The following TOP1 variants were observed in gnomAD, a reference collection of about 807,000 sequenced individuals.
TOP1 encodes the protein DNA topoisomerase I, also known as DNA topoisomerase 1.
Under a neutral mutation model 111.1 loss-of-function variants are expected in TOP1, and 10 were observed. The observed-to-expected ratio is 0.09, with a 90% CI of 0.06 to 0.15. The LOEUF is 0.15. Ranked by LOEUF, TOP1 falls within the 10% of genes least tolerant of loss-of-function variation. TOP1 has a pLI of 1.00. For synonymous variants in TOP1, 271 were observed against 302.9 expected, an observed-to-expected ratio of 0.89 and a Z score of 1.10; for missense variants, 474 against 926.7, an observed-to-expected ratio of 0.51 and a Z score of 6.34.
In TOP1 at chr20:41,102,128, C is replaced by T. The variant is rs1361815179; in HGVS notation, c.1308+775C>T. On this transcript the variant is annotated intron_variant, in intron 13 of 20. Coordinates refer to ENST00000361337, the MANE Select transcript of TOP1 (RefSeq NM_003286.4). This position sits in a 1 kb window ranked among gnomAD's most constrained non-coding sequence, Gnocchi z 4.0. ...TGTTTTATGTGCAGGAGACCTGGGA[C>T]TAAAGACCTTCTTGATCCTCGTTCA... 6.6e-6 allele frequency among the ~76,000 whole-genome samples: 1 copy of T among 152,148 alleles called. No individual in the cohort carries two copies. Among genetic ancestry groups the T allele is most frequent in the Non-Finnish European group, 1.5e-5 (1 of 68,034 alleles).
intron 2 of TOP1, among the ~76,000 whole-genome samples, chr20:41,049,509 G>T (rs1277767864): frequency 6.6e-6 from 1 of 152,186 alleles, no homozygotes; most frequent in African/African-American, 2.4e-5. Context: ...TCTTATGAGG[G>T]TCTTTTCCAA....
At chr20:41,111,112 C>T (rs1359165570) in intron 13 of TOP1, among the ~76,000 whole-genome samples, 3 of 152,136 alleles carry the variant, frequency 2.0e-5, no homozygotes, top group Non-Finnish European at 4.4e-5. Context: ...CAAACGTAAC[C>T]CTAGGGGACT....
At position 41,080,111 on chromosome 20, in the gene TOP1, A is replaced by C; in HGVS notation, c.362A>C (p.Glu121Ala). 6.2e-7 allele frequency: 1 copy of C among 1,611,762 alleles called. No homozygotes were observed. Among genetic ancestry groups the C allele is most frequent in the Non-Finnish European group, 8.5e-7 (1 of 1,178,986 alleles). The stretch of plus-strand genomic sequence containing the variant: ...CCACCACAAATTAAAGATGAACCTG[A>C]AGATGATGGCTATTTTGTTCCTCCT... Reference protein sequence around the residue: ...SSPPQIKDEPEDDGYFVPPKE... With the variant: ...SSPPQIKDEPADDGYFVPPKE... Residue 121 changes from glutamate (E) to alanine (A), a missense_variant, in exon 6 of 21, where the codon GAA (glutamate) becomes GCA (alanine). Around this residue, in one of 14 missense-constraint regions of TOP1, gnomAD observed 185 missense variants for 226.3 expected, o/e 0.82. Transcript: ENST00000361337. This position sits in a 1 kb window ranked among gnomAD's most constrained non-coding sequence, Gnocchi z 5.0.
intron 2 of TOP1, among the ~76,000 whole-genome samples, chr20:41,048,694 G>C (rs878936600): frequency 6.6e-6 from 1 of 152,174 alleles, no homozygotes; most frequent in African/African-American, 2.4e-5. Context: ...CTCTAATTGC[G>C]CCTAGAATCT....
chr20:41,033,719 G>T (rs1409631383), intron 2 of TOP1, among the ~76,000 whole-genome samples: 3 of 152,230 alleles, frequency 2.0e-5, no homozygotes, highest in Middle Eastern at 3.4e-3. Flanking sequence ...ATATTAGTTG[G>T]ACATGAATGC....
In TOP1 at chr20:41,094,354, A is replaced by T. The variant is rs1363747030; in HGVS notation, c.730+1767A>T. Among the ~76,000 whole-genome samples the T allele has an allele frequency of 6.6e-6, 1 of 152,216 alleles. No homozygotes were observed. The highest frequency in any genetic ancestry group is 1.5e-5 in the Non-Finnish European group (1 of 68,044). On this transcript the variant is annotated intron_variant, in intron 9 of 20. Transcript: ENST00000361337. This position sits in a 1 kb window ranked among gnomAD's most constrained non-coding sequence, Gnocchi z 4.4. ...GAAAGGGCCTAGAACCTTGAAGAGC[A>T]CCATCTCAAAGCGTAGGTATTCCGT...
At chr20:41,089,020 CTTTTTTTTTTT>C (rs59200685) in intron 8 of TOP1, among the ~76,000 whole-genome samples, 1 of 77,926 alleles carries the variant, frequency 1.3e-5, no homozygotes, top group Non-Finnish European at 2.2e-5. Context: ...TGCCCCAGTT[CTTTTTTTTTTT>C]TTTTTTTTTT....
intron 11 of TOP1, among the ~76,000 whole-genome samples, chr20:41,099,133 G>A (rs143566522): frequency 6.6e-6 from 1 of 152,282 alleles, no homozygotes; most frequent in East Asian, 1.9e-4. Flanking sequence ...AAGGACTTGC[G>A]TGTTTACGTA....
intron 2 of TOP1, among the ~76,000 whole-genome samples, chr20:41,045,916 A>G (rs1350650975): frequency 1.3e-5 from 2 of 152,212 alleles, no homozygotes; most frequent in African/African-American, 4.8e-5. Flanking sequence ...GCTGCATCTT[A>G]TAAGTAATCT....
chr20:41,087,525 G>C (rs1465918476), intron 8 of TOP1, among the ~76,000 whole-genome samples: 3 of 152,128 alleles, frequency 2.0e-5, no homozygotes, highest in African/African-American at 7.2e-5. Flanking sequence ...GATGAGTCAG[G>C]ACTATAATGT....
chr20:41,121,010 G>A lies in TOP1; in HGVS notation c.1951-686G>A, dbSNP rs973355200. Among the ~76,000 whole-genome samples, 2 of 152,198 alleles carry A rather than the reference G, an allele frequency of 1.3e-5. No homozygotes were observed. Among genetic ancestry groups the A allele is most frequent in the Non-Finnish European group, 2.9e-5 (2 of 68,036 alleles). On this transcript the variant is annotated intron_variant, in intron 18 of 20. Coordinates refer to ENST00000361337, the MANE Select transcript of TOP1 (RefSeq NM_003286.4). The surrounding 1 kb of genome is among the most constrained non-coding windows in gnomAD (Gnocchi z 4.2). ...CCCTCCTCAGCCTCCCCAAAGTGCT[G>A]GGATTACAGGCGTGAGACACCGCGC... is the stretch of plus-strand genomic sequence containing the variant.
In TOP1 at chr20:41,041,886, G is replaced by A. The variant is rs555510824; in HGVS notation, c.58+12431G>A. Among the ~76,000 whole-genome samples the A allele has an allele frequency of 3.9e-4, 58 of 149,666 alleles. 1 individual carries two copies. The highest frequency in any genetic ancestry group is 2.3e-3 in the South Asian group (11 of 4,682). ...CAGGTTAAGGTATAAAGCTTACAGG[G>A]TGATGATGATGATGATGATGATTAT... On this transcript the variant is annotated intron_variant, in intron 2 of 20. Coordinates refer to ENST00000361337, the MANE Select transcript of TOP1 (RefSeq NM_003286.4).
intron 2 of TOP1, among the ~76,000 whole-genome samples, chr20:41,054,495 G>GT (rs1568677471): frequency 6.6e-6 from 1 of 152,114 alleles, no homozygotes; most frequent in African/African-American, 2.4e-5. Context: ...CGTGAGAATG[G>GT]ACTAATACAG....
rs1410617703 is a variant in TOP1, at chr20:41,097,723, G to A, written c.852+382G>A. On this transcript the variant is annotated intron_variant, in intron 10 of 20. Coordinates refer to ENST00000361337, the MANE Select transcript of TOP1 (RefSeq NM_003286.4). This position sits in a 1 kb window ranked among gnomAD's most constrained non-coding sequence, Gnocchi z 4.2. ...GTTAATTCTTGCTCATTTATTTTAG[G>A]TACTTTCTACTCTTGAAACCACATA... 2.0e-5 allele frequency among the ~76,000 whole-genome samples: 3 copies of A among 152,162 alleles called. No homozygotes were observed. The highest frequency in any genetic ancestry group is 2.9e-5 in the Non-Finnish European group (2 of 68,038).
rs1422167665 is a variant in TOP1, at chr20:41,029,709, C to G, written c.58+254C>G. 3 of 564,820 alleles carry G rather than the reference C, an allele frequency of 5.3e-6. No homozygotes were observed. Among genetic ancestry groups the G allele is most frequent in the Admixed American group, 3.1e-5 (1 of 31,896 alleles). The allele number at this position is 564,820 out of a possible 1,614,324, so 35.0% of individuals were successfully genotyped here. On this transcript the variant is annotated intron_variant, in intron 2 of 20. Coordinates refer to ENST00000361337, the MANE Select transcript of TOP1 (RefSeq NM_003286.4). The surrounding 1 kb of genome is among the most constrained non-coding windows in gnomAD (Gnocchi z 6.1). ...CGTCCGCCACCGGGCCTCGGGCGGT[C>G]TTTCCGGGCCGGGATTCCTCCCGGG...
intron 8 of TOP1, among the ~76,000 whole-genome samples, chr20:41,085,945 CT>C (rs1403051774): frequency 2.6e-5 from 4 of 152,168 alleles, no homozygotes; most frequent in South Asian, 4.1e-4. Context: ...CAGAGCAACC[CT>C]GCCTCTTTCT....
In TOP1 at chr20:41,121,909, T is replaced by C; in HGVS notation, c.2046-97T>C. ...GAGAAATGTCTTTTGGAAATCTCTA[T>C]ACTAGGGCTTTTATTGACTCAAAGT... is the stretch of plus-strand genomic sequence containing the variant. On this transcript the variant is annotated intron_variant, in intron 19 of 20. Coordinates refer to ENST00000361337, the MANE Select transcript of TOP1 (RefSeq NM_003286.4). The surrounding 1 kb of genome is among the most constrained non-coding windows in gnomAD (Gnocchi z 4.2). 1 of 1,563,480 alleles carries C rather than the reference T, an allele frequency of 6.4e-7. No homozygotes were observed. The highest frequency in any genetic ancestry group is 8.7e-7 in the Non-Finnish European group (1 of 1,144,682).
intron 2 of TOP1, among the ~76,000 whole-genome samples, chr20:41,044,363 T>G (rs2033306742): frequency 6.6e-6 from 1 of 152,238 alleles, no homozygotes; most frequent in African/African-American, 2.4e-5. Context: ...AAAATTCCAG[T>G]GTTGTCTTCT....
intron 3 of TOP1, chr20:41,072,989 T>C (rs185563032): frequency 2.1e-4 from 207 of 985,286 alleles, no homozygotes; most frequent in Non-Finnish European, 2.4e-4. Context: ...TACAAAGGGG[T>C]TTACTACTCT....
Sources: gnomAD v4.1 joint callset for allele counts (sites outside exome capture counted in the v4.1 genomes callset) on GRCh38, gnomAD v4.1.1 for gene constraint, gnomAD v4.1.1 regional missense constraint, Gnocchi (gnomAD v3.1) non-coding constraint, MANE v1.5 for transcripts, NCBI Gene and HGNC (gene_info 2026-07-23, HGNC 2026-07-21) for gene names.